TIMM9: variants seen among roughly 807,000 people sequenced by gnomAD.
The protein encoded by TIMM9 is translocase of inner mitochondrial membrane 9, also known as mitochondrial import inner membrane translocase subunit Tim9.
Under a neutral mutation model 13.4 loss-of-function variants are expected in TIMM9, and 10 were observed. The observed-to-expected ratio is 0.75, with a 90% CI of 0.46 to 1.26. TIMM9 has a LOEUF of 1.26. Ranked by LOEUF, TIMM9 falls within the 50% of genes most tolerant of loss-of-function variation. The pLI, the probability that TIMM9 is intolerant of heterozygous loss-of-function variation, is 0.00. For synonymous variants in TIMM9, 32 were observed against 32.1 expected (o/e 1.00, Z 0.01); for missense variants, 87 against 100.8 (o/e 0.86, Z 0.58).
At chr14:58,416,948 A>C (rs180726305) in intron 3 of TIMM9, among the ~76,000 whole-genome samples, 1 of 152,256 alleles carries the variant, frequency 6.6e-6, no homozygotes, top group Admixed American at 6.5e-5. Flanking sequence ...TCCCCACCCA[A>C]ATCTCATCTT....
chr14:58,411,688 G>A (rs1457912110), intron 4 of TIMM9, among the ~76,000 whole-genome samples: 2 of 151,658 alleles, frequency 1.3e-5, no homozygotes, highest in African/African-American at 4.8e-5. Context: ...AGAGGTGTGC[G>A]CCAGCACGCC....
At chr14:58,418,940 C>A (rs1288687494) in intron 3 of TIMM9, among the ~76,000 whole-genome samples, 1 of 151,940 alleles carries the variant, frequency 6.6e-6, no homozygotes, top group African/African-American at 2.4e-5. Flanking sequence ...TATAAATATA[C>A]ACAAATTTAT....
intron 5 of TIMM9, among the ~76,000 whole-genome samples, chr14:58,409,934 T>C (rs1229590102): frequency 2.0e-5 from 3 of 152,100 alleles, no homozygotes; most frequent in Non-Finnish European, 2.9e-5. Flanking sequence ...TGGAGTGCAG[T>C]GCCTCACTGT....
intron 5 of TIMM9, 140 bp from the exon 6 acceptor site, chr14:58,409,308 C>G (rs2036132966): frequency 2.3e-6 from 2 of 885,008 alleles, no homozygotes; most frequent in African/African-American, 1.7e-5. Flanking sequence ...TTGGCAGCAA[C>G]TGACCATAGC....
At chr14:58,410,774 G>A in intron 5 of TIMM9, 69 bp downstream of exon 5, 1 of 1,072,322 alleles carries the variant, frequency 9.3e-7, no homozygotes, top group East Asian at 2.4e-5. Flanking sequence ...CAAGTGAAAT[G>A]CTTAAGGGGA....
At chr14:58,414,875 C>G (rs1326271348) in intron 3 of TIMM9, among the ~76,000 whole-genome samples, 2 of 152,136 alleles carry the variant, frequency 1.3e-5, no homozygotes, top group African/African-American at 4.8e-5. Flanking sequence ...CACAGGGAGC[C>G]TGGCTTTCCA....
At chr14:58,414,734 C>T (rs1396103035) in intron 3 of TIMM9, among the ~76,000 whole-genome samples, 3 of 22,974 alleles carry the variant, frequency 1.3e-4, no homozygotes, top group African/African-American at 1.3e-4. Flanking sequence ...GAGACGCCAT[C>T]TCAAAAAAAA....
chr14:58,410,807 G>A lies in TIMM9; in HGVS notation c.135+36C>T, dbSNP rs765088777. 1.2e-5 allele frequency: 18 copies of A among 1,447,312 alleles called. No individual in the cohort carries two copies. In the African/African-American group the frequency reaches 2.3e-4, roughly 18 times the overall value. The allele number at this position is 1,447,312 out of a possible 1,614,324, so 89.7% of individuals were successfully genotyped here. A position where few individuals can be genotyped will look rare whatever the true frequency, so the allele number is the denominator to read the frequency against. The stretch of plus-strand genomic sequence containing the variant: ...GGATCCTACTTAGAGTGTTTATGAA[G>A]GCTTGTAGAATTTTAGTGAGTAACA... On this transcript the variant is annotated intron_variant, in intron 5 of 5. Coordinates refer to ENST00000395159, the MANE Select transcript of TIMM9 (RefSeq NM_012460.4).
rs118123619 is a variant in TIMM9 at position 58,427,414 on chromosome 14, C to G, written c.-326G>C. On this transcript the variant is annotated 5_prime_UTR_variant, in exon 1 of 6. Transcript: ENST00000395159. ...TACCTAATCCCACGTCCCTAACGGT[C>G]TTCGGAAGCGAAGCAGTGTCAACAG... 1.7e-6 allele frequency: 1 copy of G among 587,014 alleles called. No homozygotes were observed. The highest frequency in any genetic ancestry group is 2.9e-5 in the East Asian group (1 of 33,974). The allele number at this position is 587,014 out of a possible 1,614,324, so 36.4% of individuals were successfully genotyped here.
intron 3 of TIMM9, among the ~76,000 whole-genome samples, chr14:58,414,682 A>T (rs1688942407): frequency 6.9e-6 from 1 of 144,318 alleles, no homozygotes; most frequent in Non-Finnish European, 1.5e-5. Flanking sequence ...GGTTGCAGTG[A>T]GCCGAGATTG....
intron 3 of TIMM9, among the ~76,000 whole-genome samples, chr14:58,414,742 A>AAG: frequency 6.6e-6 from 1 of 151,404 alleles, no homozygotes; most frequent in Middle Eastern, 3.4e-3. Flanking sequence ...ATCTCAAAAA[A>AAG]AAAAAAAAAG....
At chr14:58,415,113 C>G (rs1163592986) in intron 3 of TIMM9, among the ~76,000 whole-genome samples, 1 of 152,180 alleles carries the variant, frequency 6.6e-6, no homozygotes, top group East Asian at 1.9e-4. Context: ...CCTACTCCAC[C>G]TAGCAGTAAC....
At chr14:58,411,824 ACTGC>A in intron 4 of TIMM9, 79 bp downstream of exon 4, 2 of 1,320,518 alleles carry the variant, frequency 1.5e-6, no homozygotes, top group Non-Finnish European at 2.2e-6. Flanking sequence ...GATGTGAGCC[ACTGC>A]ACCCAGCCTG....
chr14:58,425,197 G>A (rs748873440), intron 2 of TIMM9, among the ~76,000 whole-genome samples: 13 of 151,954 alleles, frequency 8.6e-5, no homozygotes, highest in Admixed American at 3.9e-4. Context: ...GATCACGTGC[G>A]GTCAGGAGTT....
chr14:58,426,674 G>A (rs1280775053), intron 2 of TIMM9, among the ~76,000 whole-genome samples: 1 of 152,222 alleles, frequency 6.6e-6, no homozygotes, highest in Non-Finnish European at 1.5e-5. Flanking sequence ...CCTGGGAAAT[G>A]AGCAGATCAG....
intron 3 of TIMM9, among the ~76,000 whole-genome samples, chr14:58,420,330 C>T (rs111663092): frequency 6.6e-6 from 1 of 151,932 alleles, no homozygotes; most frequent in African/African-American, 2.4e-5. Context: ...AACTAATAAG[C>T]AGAAGATATA....
chr14:58,409,709 G>A (rs1337490431), intron 5 of TIMM9, among the ~76,000 whole-genome samples: 1 of 151,988 alleles, frequency 6.6e-6, no homozygotes, highest in African/African-American at 2.4e-5. Context: ...ATCCCGAGTA[G>A]CTGGGACTAC....
intron 3 of TIMM9, 129 bp downstream of exon 3, chr14:58,423,879 T>G (rs1313578899): frequency 6.6e-6 from 1 of 152,194 alleles, no homozygotes; most frequent in Non-Finnish European, 1.5e-5. Context: ...ATAAGCAAAT[T>G]CAAGAATCAC....
At chr14:58,412,659 G>T (rs1193111095) in intron 3 of TIMM9, among the ~76,000 whole-genome samples, 1 of 152,140 alleles carries the variant, frequency 6.6e-6, no homozygotes. Context: ...CCAGCACTTT[G>T]GGAGGCCAAG....
Sources: gnomAD v4.1 joint callset for allele counts (sites outside exome capture counted in the v4.1 genomes callset) on GRCh38, gnomAD v4.1.1 for gene constraint, MANE v1.5 for transcripts, NCBI Gene and HGNC (gene_info 2026-07-23, HGNC 2026-07-21) for gene names.